Variants in CADM2 observed in about 807,000 individuals in gnomAD.
CADM2 encodes the protein cell adhesion molecule 2, also known as immunoglobulin superfamily member 4D.
Under a neutral mutation model 49.8 loss-of-function variants are expected in CADM2, and 12 were observed. The observed-to-expected ratio is 0.24, with a 90% CI of 0.15 to 0.39. The LOEUF is 0.39. Among genes scored for constraint, CADM2 ranks in the 10% least tolerant of loss-of-function variants. The pLI, the probability that CADM2 is intolerant of heterozygous loss-of-function variation, is 1.00. For missense variants in CADM2, 378 were observed against 492.3 expected, an observed-to-expected ratio of 0.77 and a Z score of 2.20; for synonymous variants, 214 against 175.4, an observed-to-expected ratio of 1.22 and a Z score of -1.74.
intron 1 of CADM2, among the ~76,000 whole-genome samples, chr3:85,146,311 C>CT (rs2039739376): frequency 6.6e-6 from 1 of 151,962 alleles, no homozygotes; most frequent in Non-Finnish European, 1.5e-5. Flanking sequence ...TAAATTAACA[C>CT]TTTTTTGTGG....
intron 8 of CADM2, among the ~76,000 whole-genome samples, chr3:86,017,350 A>G (rs1471908739): frequency 1.3e-5 from 2 of 152,054 alleles, no homozygotes; most frequent in Admixed American, 1.3e-4. Flanking sequence ...TATTTACACA[A>G]GAGCTCAAAA....
intron 1 of CADM2, among the ~76,000 whole-genome samples, chr3:85,407,508 A>C (rs1394956040): frequency 6.6e-6 from 1 of 152,150 alleles, no homozygotes; most frequent in African/African-American, 2.4e-5. Context: ...ACCCTTCTTC[A>C]GCTTTCAAAA....
intron 2 of CADM2, among the ~76,000 whole-genome samples, chr3:85,776,838 G>C (rs1217139017): frequency 6.6e-6 from 1 of 151,968 alleles, no homozygotes; most frequent in Non-Finnish European, 1.5e-5. Flanking sequence ...ATATTACCAA[G>C]TCAAAAGAGA....
rs202138744 is a variant in CADM2, at chr3:85,458,784, CA to C, written c.62-267730del. On this transcript the variant is annotated intron_variant, in intron 1 of 9. Coordinates refer to ENST00000383699, the MANE Select transcript of CADM2 (RefSeq NM_001167675.2). ...GTTTTATTATTAGAATACAAAAAGA[CA>C]AAAAAAATCAAAGAAACTTTCACTT... Among the ~76,000 whole-genome samples, 4 of 150,760 alleles carry C rather than the reference CA, an allele frequency of 2.7e-5. 1 individual carries two copies. Among genetic ancestry groups the C allele is most frequent in the South Asian group, 4.2e-4 (2 of 4,786 alleles).
At chr3:85,494,680 A>G (rs1195631671) in intron 1 of CADM2, among the ~76,000 whole-genome samples, 1 of 152,194 alleles carries the variant, frequency 6.6e-6, no homozygotes, top group Non-Finnish European at 1.5e-5. Context: ...TCCATTGAGG[A>G]CTATATTGAC....
intron 8 of CADM2, among the ~76,000 whole-genome samples, chr3:85,996,240 T>C (rs73134159): frequency 0.025 from 3,756 of 151,072 alleles, 81 homozygotes; most frequent in Middle Eastern, 0.073. Flanking sequence ...TCATTACTTA[T>C]TAAAGCCTGA....
In CADM2 at chr3:85,501,005, T is replaced by C. The variant is rs376730909; in HGVS notation, c.62-225517T>C. ...ATATGTGAAAACATAGCCAAAGATATTATTAAATATCCACAGAAATTATTA... is the reference window on the plus strand; with the variant it reads ...ATATGTGAAAACATAGCCAAAGATACTATTAAATATCCACAGAAATTATTA... On this transcript the variant is annotated intron_variant, in intron 1 of 9. Transcript: ENST00000383699. 1.1e-4 allele frequency among the ~76,000 whole-genome samples: 16 copies of C among 152,276 alleles called. 1 individual carries two copies. The East Asian group carries it at 1.9e-3, about 18-fold the overall frequency.
At chr3:85,177,162 T>G (rs928727101) in intron 1 of CADM2, among the ~76,000 whole-genome samples, 2 of 152,140 alleles carry the variant, frequency 1.3e-5, no homozygotes, top group Non-Finnish European at 2.9e-5. Context: ...ATAAAGACAA[T>G]CATTTTACTT....
At chr3:86,055,968 C>G (rs1236473369) in intron 8 of CADM2, among the ~76,000 whole-genome samples, 1 of 152,178 alleles carries the variant, frequency 6.6e-6, no homozygotes, top group South Asian at 2.1e-4. Context: ...AAATTAGACT[C>G]TAAGTTATGT....
At chr3:85,473,650 T>C in intron 1 of CADM2, among the ~76,000 whole-genome samples, 1 of 152,188 alleles carries the variant, frequency 6.6e-6, no homozygotes, top group Non-Finnish European at 1.5e-5. Context: ...GTCTTGAGCC[T>C]GTCTAACAAA....
At chr3:85,983,705 C>A (rs1262054459) in intron 8 of CADM2, among the ~76,000 whole-genome samples, 1 of 151,510 alleles carries the variant, frequency 6.6e-6, no homozygotes, top group East Asian at 1.9e-4. Flanking sequence ...TTTTTCATTT[C>A]AATTCTATTT....
chr3:86,005,753 T>G (rs1428930355), intron 8 of CADM2, among the ~76,000 whole-genome samples: 6 of 152,176 alleles, frequency 3.9e-5, no homozygotes, highest in Admixed American at 3.9e-4. Context: ...TTGACTATAG[T>G]CACACTATTG....
intron 3 of CADM2, among the ~76,000 whole-genome samples, chr3:85,852,150 C>T (rs759910218): frequency 6.6e-6 from 1 of 152,008 alleles, no homozygotes; most frequent in Non-Finnish European, 1.5e-5. Context: ...ACAGAGAGTA[C>T]TAAGTATTTA....
chr3:85,651,043 G>A (rs2065028949), intron 1 of CADM2, among the ~76,000 whole-genome samples: 3 of 151,260 alleles, frequency 2.0e-5, no homozygotes, highest in Non-Finnish European at 4.4e-5. Flanking sequence ...CAAGTTCATG[G>A]TTTGAACAAC....
At chr3:85,052,301 C>T (rs2035910665) in intron 1 of CADM2, among the ~76,000 whole-genome samples, 2 of 152,078 alleles carry the variant, frequency 1.3e-5, no homozygotes, top group Non-Finnish European at 2.9e-5. Context: ...TAGGCTACAG[C>T]AACATGTCCA....
At chr3:85,192,529 A>G (rs2041232826) in intron 1 of CADM2, among the ~76,000 whole-genome samples, 1 of 151,840 alleles carries the variant, frequency 6.6e-6, no homozygotes, top group Admixed American at 6.6e-5. Context: ...GAGAAGTAGG[A>G]AGGAACCCCA....
At chr3:85,695,308 G>A (rs1330550446) in intron 1 of CADM2, among the ~76,000 whole-genome samples, 1 of 151,986 alleles carries the variant, frequency 6.6e-6, no homozygotes, top group Non-Finnish European at 1.5e-5. Flanking sequence ...GTACCCAATA[G>A]GTGATTTTCT....
intron 1 of CADM2, among the ~76,000 whole-genome samples, chr3:85,222,977 A>G (rs1487278896): frequency 2.0e-5 from 3 of 152,260 alleles, no homozygotes; most frequent in Admixed American, 1.3e-4. Flanking sequence ...TAGAACTACT[A>G]TCGAACTTAA....
intron 8 of CADM2, among the ~76,000 whole-genome samples, chr3:85,989,453 C>A (rs2108694034): frequency 6.6e-6 from 1 of 152,194 alleles, no homozygotes; most frequent in African/African-American, 2.4e-5. Flanking sequence ...AAATTCAGAC[C>A]ACTTTTTTCT....
Sources: gnomAD v4.1 joint callset for allele counts (sites outside exome capture counted in the v4.1 genomes callset) on GRCh38, gnomAD v4.1.1 for gene constraint, MANE v1.5 for transcripts, NCBI Gene and HGNC (gene_info 2026-07-23, HGNC 2026-07-21) for gene names.